Variants in ARAP1 observed in about 807,000 individuals in gnomAD.
ARAP1 encodes ArfGAP with RhoGAP domain, ankyrin repeat and PH domain 1.
A neutral mutation model predicts 172.2 loss-of-function variants in ARAP1; 76 were observed. The ratio of observed to expected loss-of-function variants is 0.44; its 90% CI spans 0.37 to 0.53. The LOEUF (loss-of-function observed/expected upper bound fraction) is 0.53, where lower values mean the gene tolerates loss of function less well. ARAP1 is among the 20% of genes least tolerant of loss of function. The pLI is 0.00. For synonymous variants in ARAP1, 804 were observed against 803.3 expected, an observed-to-expected ratio of 1.00 and a Z score of -0.01; for missense variants, 1,686 against 1,977.5, an observed-to-expected ratio of 0.85 and a Z score of 2.80.
At position 72,699,464 on chromosome 11, in the gene ARAP1, C is replaced by G; in HGVS notation, c.2391G>C (p.Arg797=). 2.5e-6 allele frequency: 4 copies of G among 1,614,102 alleles called. No individual in the cohort carries two copies. The highest frequency in any genetic ancestry group is 3.4e-6 in the Non-Finnish European group (4 of 1,180,022). The change falls in exon 17 of 35, where the codon CGG becomes CGC. Residue 797 remains arginine (R), a synonymous_variant. Transcript: ENST00000393609. The surrounding 1 kb of genome is among the most constrained non-coding windows in gnomAD (Gnocchi z 4.2). Reference sequence around the variant, plus strand: ...CTGCCAGGCACACAATCTCGCTGGCCCGAATCTCTCCATTGGGGGTCACTG... The same window carrying G: ...CTGCCAGGCACACAATCTCGCTGGCGCGAATCTCTCCATTGGGGGTCACTG... ...ERAVTPNGEI[R]ASEIVCLAVP...
Position 72,686,024 on chromosome 11 carries a change from G to A in ARAP1, c.4335+18C>T. 6.2e-7 allele frequency: 1 copy of A among 1,613,940 alleles called. No individual in the cohort carries two copies. Among genetic ancestry groups the A allele is most frequent in the Non-Finnish European group, 8.5e-7 (1 of 1,180,006 alleles). On this transcript the variant is annotated intron_variant, in intron 34 of 34. Coordinates refer to ENST00000393609, the MANE Select transcript of ARAP1 (RefSeq NM_001040118.3). ...CAGGCCCCCAGCCCCCTGCCCAAAG[G>A]CATGGAGAGCCACTCACAGACAGAG...
chr11:72,724,143 G>A (rs115594806), intron 3 of ARAP1, among the ~76,000 whole-genome samples: 327 of 152,228 alleles, frequency 2.1e-3, no homozygotes, highest in African/African-American at 7.3e-3. Context: ...GTCTGAATGT[G>A]TAAATGCACA....
chr11:72,726,296 A>ACTCGACTTCCTCCCAAAGTCACTT lies in ARAP1; in HGVS notation c.509+300_509+323dup, dbSNP rs1857686894. On this transcript the variant is annotated intron_variant, in intron 3 of 34. Transcript: ENST00000393609. The surrounding 1 kb of genome is among the most constrained non-coding windows in gnomAD (Gnocchi z 6.5). ...TCACAGTTGCCAGGTCCCAAGCTGA[A>ACTCGACTTCCTCCCAAAGTCACTT]CTCGACTTCCTCCCAAAGTCACTTC... 6.6e-6 allele frequency among the ~76,000 whole-genome samples: 1 copy of ACTCGACTTCCTCCCAAAGTCACTT among 151,934 alleles called. No individual in the cohort carries two copies. Among genetic ancestry groups the ACTCGACTTCCTCCCAAAGTCACTT allele is most frequent in the African/African-American group, 2.4e-5 (1 of 41,418 alleles).
At chr11:72,698,624 A>G (rs1856324983) in intron 18 of ARAP1, among the ~76,000 whole-genome samples, 1 of 152,106 alleles carries the variant, frequency 6.6e-6, no homozygotes, top group South Asian at 2.1e-4. Context: ...CCCGAGGCAG[A>G]GCTCTCCCGG....
chr11:72,713,254 A>G lies in ARAP1; in HGVS notation c.680-11T>C. ...CGTAGTCAGAGTCATCTGGTGAGAG[A>G]GGGGTTGGGGGGCCTCAGGGCAAGG... On this transcript the variant is annotated splice_polypyrimidine_tract_variant and intron_variant, in intron 4 of 34. Transcript: ENST00000393609. The G allele has an allele frequency of 1.2e-6, 2 of 1,613,684 alleles. No homozygotes were observed. Among genetic ancestry groups the G allele is most frequent in the East Asian group, 2.2e-5 (1 of 44,852 alleles).
chr11:72,714,425 C>T, intron 3 of ARAP1, 104 bp from the exon 4 acceptor site: 1 of 1,149,122 alleles, frequency 8.7e-7, no homozygotes, highest in Non-Finnish European at 1.2e-6. Context: ...AGGCACTACA[C>T]AAACTCACAC....
rs1216581345 is a variant in ARAP1, at chr11:72,713,242, A to G, written c.681T>C (p.Asp227=). The G allele has an allele frequency of 6.2e-7, 1 of 1,612,986 alleles. No homozygotes were observed. The highest frequency in any genetic ancestry group is 8.5e-7 in the Non-Finnish European group (1 of 1,179,514). The part of the protein sequence containing the change: ...PKPVRLFPEF[D]DSDYDEVPEE... ...CTGGGACCTCATCGTAGTCAGAGTC[A>G]TCTGGTGAGAGAGGGGTTGGGGGGC... The change falls in exon 5 of 35, where the codon GAT becomes GAC. Residue 227 remains aspartate, a splice_region_variant and synonymous_variant. Coordinates refer to ENST00000393609, the MANE Select transcript of ARAP1 (RefSeq NM_001040118.3).
chr11:72,693,878 A>AT lies in ARAP1; in HGVS notation c.3695-74dup. 1 of 1,246,072 alleles carries AT rather than the reference A, an allele frequency of 8.0e-7. No homozygotes were observed. Among genetic ancestry groups the AT allele is most frequent in the Non-Finnish European group, 1.1e-6 (1 of 895,086 alleles). 77.2% of individuals were successfully genotyped at this position (1,246,072 alleles called of 1,614,324 possible). On this transcript the variant is annotated intron_variant, in intron 27 of 34. Transcript: ENST00000393609. This position sits in a 1 kb window ranked among gnomAD's most constrained non-coding sequence, Gnocchi z 4.6. ...CCACCAAAGGCTGGCAGATGGGCAC[A>AT]TATCACCTACACATCCCCTGTCCAC...
At chr11:72,722,478 C>T in intron 3 of ARAP1, 1 of 483,930 alleles carries the variant, frequency 2.1e-6, no homozygotes, top group Non-Finnish European at 2.7e-6. Context: ...GGGTGGATGC[C>T]CAGGAAGTCC....
chr11:72,704,280 G>A lies in ARAP1; in HGVS notation c.1864C>T (p.Pro622Ser), dbSNP rs1390358684. ...AGNRFWAANV[P>S]PSEALQPSSS... Reference sequence around the variant, plus strand: ...CTGGGCTGCAGGGCCTCACTGGGGGGCACGTTGGCTGCCCAGAAGCGGTTC... The same window carrying A: ...CTGGGCTGCAGGGCCTCACTGGGGGACACGTTGGCTGCCCAGAAGCGGTTC... The change falls in exon 14 of 35, where the codon CCC (proline) becomes TCC (serine). Residue 622 changes from proline (P) to serine (S), a missense_variant. This residue lies in a region of ARAP1 where 688 missense variants were observed against 856.9 expected (regional missense o/e 0.80). Coordinates refer to ENST00000393609, the MANE Select transcript of ARAP1 (RefSeq NM_001040118.3). 8 of 1,612,094 alleles carry A rather than the reference G, an allele frequency of 5.0e-6. No homozygotes were observed. The highest frequency in any genetic ancestry group is 6.8e-6 in the Non-Finnish European group (8 of 1,179,114).
intron 3 of ARAP1, among the ~76,000 whole-genome samples, chr11:72,724,275 G>A (rs1297828246): frequency 1.3e-5 from 2 of 152,020 alleles, no homozygotes; most frequent in South Asian, 2.1e-4. Flanking sequence ...ACATGCACAC[G>A]CATCCACCCC....
At position 72,699,587 on chromosome 11, in the gene ARAP1, GC is replaced by G. The variant is rs1180245033; in HGVS notation, c.2303-36del. 6.3e-6 allele frequency: 10 copies of G among 1,596,722 alleles called. No individual in the cohort carries two copies. The highest frequency in any genetic ancestry group is 5.2e-5 in the Admixed American group (3 of 57,622). ...ATTTGGGCAGGGGAGCCATCAGGGA[GC>G]CCCCCACCACCTGAAAACCACCTCT... On this transcript the variant is annotated intron_variant, in intron 16 of 34. Coordinates refer to ENST00000393609, the MANE Select transcript of ARAP1 (RefSeq NM_001040118.3). The surrounding 1 kb of genome is among the most constrained non-coding windows in gnomAD (Gnocchi z 4.2).
At chr11:72,733,837 A>C (rs1204499246) in intron 1 of ARAP1, among the ~76,000 whole-genome samples, 8 of 152,286 alleles carry the variant, frequency 5.3e-5, no homozygotes, top group Non-Finnish European at 1.2e-4. Flanking sequence ...TAGTTTATTT[A>C]TTTTGAGACA....
intron 3 of ARAP1, among the ~76,000 whole-genome samples, chr11:72,715,744 A>T (rs1384664813): frequency 6.6e-6 from 1 of 151,904 alleles, no homozygotes; most frequent in Admixed American, 6.6e-5. Flanking sequence ...TATGTTGCCC[A>T]GGCTGGTTTT....
At chr11:72,724,617 GT>G (rs1200246979) in intron 3 of ARAP1, among the ~76,000 whole-genome samples, 1 of 152,142 alleles carries the variant, frequency 6.6e-6, no homozygotes, top group East Asian at 1.9e-4. Context: ...TCTGCTGTGA[GT>G]TTTTCCTACC....
At chr11:72,703,886 G>T (rs1187147470) in intron 14 of ARAP1, 2 of 517,010 alleles carry the variant, frequency 3.9e-6, no homozygotes, top group Admixed American at 7.2e-5. Context: ...ACCGGACGGG[G>T]TGCAGGAGAC....
intron 1 of ARAP1, among the ~76,000 whole-genome samples, chr11:72,743,512 T>C (rs1051056527): frequency 5.9e-5 from 9 of 152,152 alleles, no homozygotes; most frequent in African/African-American, 2.2e-4. Context: ...GGTCAGGGCC[T>C]GACCCCAGCT....
In ARAP1 at chr11:72,711,479, C is replaced by A. The variant is rs535538397; in HGVS notation, c.1043G>T (p.Arg348Leu). The A allele has an allele frequency of 6.2e-7, 1 of 1,612,724 alleles. No individual in the cohort carries two copies. Among genetic ancestry groups the A allele is most frequent in the Non-Finnish European group, 8.5e-7 (1 of 1,178,920 alleles). The change falls in exon 8 of 35, where the codon CGA becomes CTA. Residue 348 changes from arginine (R) to leucine (L), a missense_variant. Physicochemically the swap from Arg to Leu is moderately radical, Grantham distance 102. This residue lies in a region of ARAP1 where 688 missense variants were observed against 856.9 expected (regional missense o/e 0.80). Transcript: ENST00000393609. ...GTGATCAGTATCCAGTCTCACCCAT[C>A]GTTTCTGATAGATGTAAGATCTGGA... ...PPQGSYIYQK[R>L]WVRLDTDHLR...
In ARAP1 at chr11:72,698,043, G is replaced by A; in HGVS notation, c.2605C>T (p.Pro869Ser). The A allele has an allele frequency of 1.2e-6, 2 of 1,608,432 alleles. No individual in the cohort carries two copies. Among genetic ancestry groups the A allele is most frequent in the East Asian group, 2.2e-5 (1 of 44,720 alleles). Residue 869 changes from proline to serine, a missense_variant, in exon 19 of 35, where the codon CCC (proline) becomes TCC (serine). Transcript: ENST00000393609. The stretch of plus-strand genomic sequence containing the variant: ...TGTAGGCTCAGGCCAGCTTTGTAGG[G>A]TAGGCGTCCCAGCCGCTCAAAATCC... ...ARDFERLGRL[P>S]YKAGLSLQRA... is the part of the protein sequence containing the mutation.
Sources: gnomAD v4.1 joint callset for allele counts (sites outside exome capture counted in the v4.1 genomes callset) on GRCh38, gnomAD v4.1.1 for gene constraint, gnomAD v4.1.1 regional missense constraint, Gnocchi (gnomAD v3.1) non-coding constraint, MANE v1.5 for transcripts, NCBI Gene and HGNC (gene_info 2026-07-23, HGNC 2026-07-21) for gene names.